The following DOCK7 variants were observed in gnomAD, a reference collection of about 807,000 sequenced individuals.
DOCK7 encodes dedicator of cytokinesis 7.
Under a neutral mutation model 271.0 loss-of-function variants are expected in DOCK7, and 138 were observed. That is an observed-to-expected ratio of 0.51 (90% CI 0.44 to 0.59). DOCK7 has a LOEUF of 0.59. Among genes scored for constraint, DOCK7 ranks in the 20% least tolerant of loss-of-function variants. The pLI, the probability that DOCK7 is intolerant of heterozygous loss-of-function variation, is 0.00. For missense variants in DOCK7, 2,066 were observed against 2,592.4 expected (o/e 0.80, Z 4.41); for synonymous variants, 823 against 876.1 (o/e 0.94, Z 1.07).
At chr1:62,603,910 A>C in intron 14 of DOCK7, 3 of 1,537,486 alleles carry the variant, frequency 2.0e-6, no homozygotes, top group Non-Finnish European at 1.8e-6. Context: ...ACTTAAAAAA[A>C]CTGTCAGTGT....
At chr1:62,631,753 A>AG (rs141409973) in intron 10 of DOCK7, among the ~76,000 whole-genome samples, 63,898 of 151,958 alleles carry the variant, frequency 0.42, 15,229 homozygotes, top group African/African-American at 0.66. Context: ...AAAATATTCT[A>AG]GTTATAATTT....
chr1:62,647,034 C>A (rs1656759136), intron 7 of DOCK7, among the ~76,000 whole-genome samples: 1 of 152,136 alleles, frequency 6.6e-6, no homozygotes, highest in South Asian at 2.1e-4. Flanking sequence ...ATATACAAAG[C>A]CTTAGCTTTC....
intron 43 of DOCK7, chr1:62,486,041 T>C (rs555221785): frequency 3.9e-5 from 6 of 152,110 alleles, no homozygotes; most frequent in Non-Finnish European, 8.8e-5. Context: ...CTCAGAGGTT[T>C]CAATTTATTA....
chr1:62,558,101 C>T (rs536113429), intron 20 of DOCK7, among the ~76,000 whole-genome samples: 3 of 152,240 alleles, frequency 2.0e-5, no homozygotes, highest in South Asian at 4.1e-4. Context: ...GAAGACCCAA[C>T]TTCATCTCCC....
chr1:62,660,445 T>C lies in DOCK7; in HGVS notation c.144+2580A>G, dbSNP rs564613817. 2.0e-5 allele frequency among the ~76,000 whole-genome samples: 3 copies of C among 152,182 alleles called. No homozygotes were observed. In the East Asian group the frequency reaches 5.8e-4, roughly 29 times the overall value. The stretch of plus-strand genomic sequence containing the variant: ...TAAGTGAGATACCACTTGGTACCCA[T>C]TAGAATGGCTATTATTTTTAAAATG... On this transcript the variant is annotated intron_variant, in intron 2 of 49. Transcript: ENST00000635253.
At chr1:62,651,967 G>A (rs576453547) in intron 4 of DOCK7, among the ~76,000 whole-genome samples, 1 of 152,218 alleles carries the variant, frequency 6.6e-6, no homozygotes, top group South Asian at 2.1e-4. Flanking sequence ...ACGCCACCAA[G>A]CAAAGTCTGC....
chr1:62,576,641 T>A (rs969753410), intron 18 of DOCK7, among the ~76,000 whole-genome samples: 2 of 152,246 alleles, frequency 1.3e-5, no homozygotes, highest in African/African-American at 4.8e-5. Context: ...GCAGTTATAT[T>A]CAAAATCATT....
intron 12 of DOCK7, among the ~76,000 whole-genome samples, chr1:62,622,392 T>C (rs1653369238): frequency 6.6e-6 from 1 of 152,202 alleles, no homozygotes; most frequent in Non-Finnish European, 1.5e-5. Context: ...AAAACTATTG[T>C]GTGGGTTTGA....
chr1:62,641,848 T>C (rs6701517), intron 7 of DOCK7, among the ~76,000 whole-genome samples: 2,326 of 152,342 alleles, frequency 0.015, 61 homozygotes, highest in African/African-American at 0.053. Context: ...AAGTCAATTT[T>C]GTAAGACGTT....
Position 62,537,819 on chromosome 1 carries a change from T to C in DOCK7, c.3471+72A>G, listed in dbSNP as rs1645395807. The C allele has an allele frequency of 5.0e-6, 7 of 1,394,186 alleles. No homozygotes were observed. In the South Asian group the frequency reaches 9.3e-5, roughly 18 times the overall value. 86.4% of individuals were successfully genotyped at this position (1,394,186 alleles called of 1,614,324 possible). A position where few individuals can be genotyped will look rare whatever the true frequency, so the allele number is the denominator to read the frequency against. On this transcript the variant is annotated intron_variant, in intron 28 of 49. Transcript: ENST00000635253. ...ACAGCTGTTATTCAATAAGTGTTAT[T>C]TTTTCCATTGTTTAAAACTATTCTT...
rs188239724 is a variant in DOCK7, at chr1:62,640,347, C to T, written c.819-3744G>A. Among the ~76,000 whole-genome samples the T allele has an allele frequency of 8.6e-4, 131 of 151,982 alleles. 1 individual carries two copies. The highest frequency in any genetic ancestry group is 2.4e-3 in the Admixed American group (36 of 15,280). ...GCCAACATGGCCAACATGGGGAAAC[C>T]CCGTCTCTACTAAAAATACAAAAAA... On this transcript the variant is annotated intron_variant, in intron 7 of 49. Coordinates refer to ENST00000635253, the MANE Select transcript of DOCK7 (RefSeq NM_001367561.1).
chr1:62,585,194 T>C (rs1647354218), intron 15 of DOCK7, among the ~76,000 whole-genome samples: 1 of 152,108 alleles, frequency 6.6e-6, no homozygotes, highest in Non-Finnish European at 1.5e-5. Context: ...AAAAATGCCA[T>C]ACGAGAATAC....
chr1:62,556,013 A>C (rs1557711425), intron 20 of DOCK7, 24 bp from the exon 21 acceptor site: 5 of 1,606,722 alleles, frequency 3.1e-6, no homozygotes, highest in Non-Finnish European at 4.2e-6. Flanking sequence ...AGAAGTATTT[A>C]CCTTTGCTTT....
At chr1:62,569,539 G>A (rs538996845) in intron 18 of DOCK7, among the ~76,000 whole-genome samples, 4 of 152,046 alleles carry the variant, frequency 2.6e-5, no homozygotes, top group South Asian at 2.1e-4. Context: ...ATTCAGTATC[G>A]CTTCATGTTA....
At chr1:62,651,493 C>T (rs1277367608) in intron 4 of DOCK7, among the ~76,000 whole-genome samples, 36 of 137,368 alleles carry the variant, frequency 2.6e-4, no homozygotes, top group Middle Eastern at 3.7e-3. Context: ...TCGCATGGCT[C>T]GCAGACCTCT....
chr1:62,534,368 T>G (rs1002681430), intron 29 of DOCK7, among the ~76,000 whole-genome samples: 25 of 151,794 alleles, frequency 1.6e-4, no homozygotes, highest in Non-Finnish European at 2.9e-4. Context: ...AATCCTAGCA[T>G]GCTGGGAGGC....
chr1:62,491,970 G>A (rs901631475), intron 41 of DOCK7, among the ~76,000 whole-genome samples: 2 of 152,136 alleles, frequency 1.3e-5, no homozygotes, highest in African/African-American at 4.8e-5. Context: ...AACACTTTGG[G>A]TGGCTGATGA....
rs532521079 is a variant in DOCK7, at chr1:62,460,094, G to A, written c.6213-2389C>T. Among the ~76,000 whole-genome samples, 6 of 76,172 alleles carry A rather than the reference G, an allele frequency of 7.9e-5. No individual in the cohort carries two copies. In the South Asian group the frequency reaches 1.6e-3, roughly 21 times the overall value. The allele number at this position is 76,172 out of a possible 152,430, so 50.0% of individuals were successfully genotyped here. A position where few individuals can be genotyped will look rare whatever the true frequency, so the allele number is the denominator to read the frequency against. ...CAGCCTGGGTGACAGAGCAAGACTCGTCTCAAAAAAAAAAAAAAAAAAAAA... is the reference window on the plus strand; with the variant it reads ...CAGCCTGGGTGACAGAGCAAGACTCATCTCAAAAAAAAAAAAAAAAAAAAA... On this transcript the variant is annotated intron_variant, in intron 48 of 49. Transcript: ENST00000635253.
intron 24 of DOCK7, 46 bp downstream of exon 24, chr1:62,543,610 G>A (rs1327000391): frequency 7.1e-7 from 1 of 1,398,816 alleles, no homozygotes; most frequent in East Asian, 2.3e-5. Context: ...TATTTAATTG[G>A]TGAAATTATT....
Sources: allele counts gnomAD v4.1 joint callset (sites outside exome capture counted in the v4.1 genomes callset), GRCh38; gene constraint gnomAD v4.1.1; transcripts MANE v1.5; gene names NCBI Gene and HGNC (gene_info 2026-07-23, HGNC 2026-07-21).